Variants in ZBTB10 observed in about 807,000 individuals in gnomAD.
The protein encoded by ZBTB10 is zinc finger and BTB domain containing 10.
ZBTB10 carries 32 observed loss-of-function variants against 76.4 expected under a neutral mutation model. The ratio of observed to expected loss-of-function variants is 0.42; its 90% CI spans 0.32 to 0.56. The LOEUF (loss-of-function observed/expected upper bound fraction) is 0.56. Ranked by LOEUF, ZBTB10 falls within the 20% of genes least tolerant of loss-of-function variation. The pLI, the probability that ZBTB10 is intolerant of heterozygous loss-of-function variation, is 0.14. For synonymous variants in ZBTB10, 523 were observed against 432.9 expected (o/e 1.21, Z -2.58); for missense variants, 1,057 against 1,098.5 (o/e 0.96, Z 0.53).
At chr8:80,490,608 C>G (rs1437894131) in intron 1 of ZBTB10, among the ~76,000 whole-genome samples, 3 of 152,164 alleles carry the variant, frequency 2.0e-5, no homozygotes, top group Non-Finnish European at 4.4e-5. Context: ...CCATCAGGTT[C>G]TTTGAACATT....
intron 3 of ZBTB10, 86 bp from the exon 4 acceptor site, chr8:80,518,317 G>A (rs1181964169): frequency 4.0e-6 from 5 of 1,262,052 alleles, no homozygotes; most frequent in African/African-American, 1.5e-5. Context: ...ATGCCTGTAG[G>A]ATATAAATAT....
At position 80,487,278 on chromosome 8, in the gene ZBTB10, A is replaced by C. The variant is rs909280521; in HGVS notation, c.468A>C (p.Arg156=). Residue 156 remains arginine, a synonymous_variant, in exon 1 of 6, where the codon CGA becomes CGC. Coordinates refer to ENST00000455036, the MANE Select transcript of ZBTB10 (RefSeq NM_001105539.3). ...GGCCCTTGAGGCATTTCAATGGGCG[A>C]GGGCCGGCGACTGTGGATCTGGAGC... is the stretch of plus-strand genomic sequence containing the variant. ...SVWPLRHFNG[R]GPATVDLELD... The C allele has an allele frequency of 1.9e-6, 3 of 1,550,400 alleles. No homozygotes were observed. The highest frequency in any genetic ancestry group is 2.6e-6 in the Non-Finnish European group (3 of 1,147,980).
intron 3 of ZBTB10, among the ~76,000 whole-genome samples, chr8:80,517,095 A>C: frequency 6.6e-6 from 1 of 152,176 alleles, no homozygotes; most frequent in Admixed American, 6.5e-5. Context: ...CACCGGGTAA[A>C]GCTTTGGAGG....
intron 1 of ZBTB10, among the ~76,000 whole-genome samples, chr8:80,488,008 G>GA (rs1815525634): frequency 6.6e-6 from 1 of 150,380 alleles, no homozygotes. Context: ...GGGATGGAAT[G>GA]ACAATTGTCG....
chr8:80,486,930 G>T lies in ZBTB10; in HGVS notation c.120G>T (p.Pro40=). The T allele has an allele frequency of 6.6e-7, 1 of 1,508,032 alleles. No homozygotes were observed. The highest frequency in any genetic ancestry group is 8.8e-7 in the Non-Finnish European group (1 of 1,132,712). The allele number at this position is 1,508,032 out of a possible 1,614,324, so 93.4% of individuals were successfully genotyped here. A position where few individuals can be genotyped will look rare whatever the true frequency, so the allele number is the denominator to read the frequency against. ...GCGGGGAGGCCTCAGCTTGGCCTCC[G>T]CAGCCCCAGCCGAGACAGCCCCCGC... is the stretch of plus-strand genomic sequence containing the variant. ...NAGGEASAWP[P]QPQPRQPPPP... Residue 40 remains proline (P), a synonymous_variant, in exon 1 of 6, where the codon CCG becomes CCT. Transcript: ENST00000455036.
At chr8:80,514,420 A>C (rs1299390606) in intron 3 of ZBTB10, among the ~76,000 whole-genome samples, 1 of 152,212 alleles carries the variant, frequency 6.6e-6, no homozygotes, top group Admixed American at 6.5e-5. Context: ...CATTGGAGGA[A>C]GCTTGATGAA....
Position 80,504,037 on chromosome 8 carries a change from G to T in ZBTB10, c.1861+3655G>T, listed in dbSNP as rs1352671816. Among the ~76,000 whole-genome samples the T allele has an allele frequency of 2.6e-5, 4 of 152,282 alleles. No homozygotes were observed. The South Asian group carries it at 8.3e-4, about 32-fold the overall frequency. On this transcript the variant is annotated intron_variant, in intron 2 of 5. Transcript: ENST00000455036. ...GTTAAGGCCTTCCCAAGGTCATTCA[G>T]CTAGTAAGAGTAGAAAGAGGCAGGT...
At chr8:80,497,038 T>C (rs1815800280) in intron 1 of ZBTB10, among the ~76,000 whole-genome samples, 1 of 152,170 alleles carries the variant, frequency 6.6e-6, no homozygotes, top group Non-Finnish European at 1.5e-5. Flanking sequence ...ATAGGCAAAT[T>C]AATAAAATTT....
At chr8:80,493,786 C>T (rs1489585183) in intron 1 of ZBTB10, among the ~76,000 whole-genome samples, 1 of 152,152 alleles carries the variant, frequency 6.6e-6, no homozygotes, top group Non-Finnish European at 1.5e-5. Flanking sequence ...GCCGAGATCG[C>T]GCCCTTGTGC....
At chr8:80,506,127 A>C (rs1816045686) in intron 2 of ZBTB10, among the ~76,000 whole-genome samples, 1 of 151,916 alleles carries the variant, frequency 6.6e-6, no homozygotes, top group Non-Finnish European at 1.5e-5. Context: ...GTTTTGCCAC[A>C]ATGCTAGCCT....
chr8:80,490,958 C>T (rs1465516721), intron 1 of ZBTB10, among the ~76,000 whole-genome samples: 1 of 152,206 alleles, frequency 6.6e-6, no homozygotes, highest in Non-Finnish European at 1.5e-5. Context: ...AATCCCAGCA[C>T]TTTGCGGGGC....
chr8:80,487,841 TC>T, intron 1 of ZBTB10, 59 bp downstream of exon 1: 2 of 1,493,074 alleles, frequency 1.3e-6, no homozygotes, highest in Non-Finnish European at 8.9e-7. Flanking sequence ...TTATCAGCAC[TC>T]CCTTCACCCC....
chr8:80,516,290 G>A (rs1816323953), intron 3 of ZBTB10, among the ~76,000 whole-genome samples: 1 of 152,090 alleles, frequency 6.6e-6, no homozygotes, highest in African/African-American at 2.4e-5. Context: ...TGTGTCTTTT[G>A]GTACTAGTTT....
chr8:80,485,908 G>A (rs1261495562), upstream of ZBTB10: 4 of 1,531,650 alleles, frequency 2.6e-6, no homozygotes, highest in South Asian at 2.4e-5. Flanking sequence ...CGGGGAGGCG[G>A]CCAGACCCTG....
intron 1 of ZBTB10, among the ~76,000 whole-genome samples, chr8:80,496,087 C>A (rs1236724089): frequency 6.6e-6 from 1 of 152,072 alleles, no homozygotes; most frequent in Non-Finnish European, 1.5e-5. Flanking sequence ...TCAGTGATAT[C>A]TGATGTTATC....
At chr8:80,500,737 A>G (rs1448699809) in intron 2 of ZBTB10, among the ~76,000 whole-genome samples, 2 of 152,160 alleles carry the variant, frequency 1.3e-5, no homozygotes, top group Non-Finnish European at 2.9e-5. Context: ...TAGTTGTAAT[A>G]TATAATCACT....
intron 1 of ZBTB10, among the ~76,000 whole-genome samples, chr8:80,493,207 G>GCGCGCGCGCGCGCGCGCGCA (rs375071529): frequency 6.4e-5 from 8 of 125,244 alleles, no homozygotes; most frequent in Non-Finnish European, 1.4e-4. Flanking sequence ...GCGCGCGCGC[G>GCGCGCGCGCGCGCGCGCGCA]CACACACACA....
intron 2 of ZBTB10, among the ~76,000 whole-genome samples, chr8:80,508,388 T>C (rs773057860): frequency 6.6e-6 from 1 of 152,242 alleles, no homozygotes; most frequent in South Asian, 2.1e-4. Context: ...AACTCCAAAA[T>C]AGCTTTCCAC....
In ZBTB10 at chr8:80,500,061, G is replaced by A. The variant is rs1815882215; in HGVS notation, c.1540G>A (p.Val514Ile). 1.9e-6 allele frequency: 3 copies of A among 1,613,978 alleles called. No homozygotes were observed. Among genetic ancestry groups the A allele is most frequent in the Non-Finnish European group, 2.5e-6 (3 of 1,179,876 alleles). ...TRNLTNLASNVKIENDGCNVD... is the reference protein window; with the variant it reads ...TRNLTNLASNIKIENDGCNVD... ...GAATCTTACCAATTTGGCAAGTAAT[G>A]TAAAGATTGAAAATGATGGTTGTAA... The change falls in exon 2 of 6, where the codon GTA (valine) becomes ATA (isoleucine). Residue 514 changes from valine (V) to isoleucine (I), a missense_variant. Val to Ile is a conservative substitution (Grantham distance 29). Coordinates refer to ENST00000455036, the MANE Select transcript of ZBTB10 (RefSeq NM_001105539.3).
Sources: gnomAD v4.1 joint callset for allele counts (sites outside exome capture counted in the v4.1 genomes callset) on GRCh38, gnomAD v4.1.1 for gene constraint, MANE v1.5 for transcripts, NCBI Gene and HGNC (gene_info 2026-07-23, HGNC 2026-07-21) for gene names.